SRGAP2B: variants seen among roughly 807,000 people sequenced by gnomAD.
SRGAP2B encodes SLIT-ROBO Rho GTPase-activating protein 2B.
SRGAP2B carries 9 observed loss-of-function variants against 22.2 expected under a neutral mutation model. The observed-to-expected ratio is 0.41, with a 90% CI of 0.24 to 0.71. The LOEUF (loss-of-function observed/expected upper bound fraction) is 0.71, where lower values mean the gene tolerates loss of function less well. SRGAP2B is among the 30% of genes least tolerant of loss of function. The pLI, the probability that SRGAP2B is intolerant of heterozygous loss-of-function variation, is 0.35. For synonymous variants in SRGAP2B, 36 were observed against 87.4 expected (o/e 0.41, Z 3.28); for missense variants, 114 against 235.8 (o/e 0.48, Z 3.38).
intron 4 of SRGAP2B, among the ~76,000 whole-genome samples, chr1:144,943,981 G>C (rs1424402665): frequency 6.7e-6 from 1 of 150,054 alleles, no homozygotes; most frequent in Non-Finnish European, 1.5e-5. Context: ...AACATCTTGG[G>C]TTTCCCATGG....
intron 2 of SRGAP2B, among the ~76,000 whole-genome samples, chr1:144,998,259 T>G (rs1327776119): frequency 7.1e-4 from 29 of 40,980 alleles, no homozygotes; most frequent in African/African-American, 2.7e-3. Flanking sequence ...AAGTTTGGAC[T>G]TGCCCACCGA....
chr1:144,931,424 TA>T (rs781838144), intron 4 of SRGAP2B, among the ~76,000 whole-genome samples: 1 of 150,676 alleles, frequency 6.6e-6, no homozygotes, highest in Admixed American at 6.6e-5. Context: ...AGAGCGAAGA[TA>T]GGGGGAAGAA....
chr1:144,990,678 G>C (rs7413086), intron 3 of SRGAP2B, among the ~76,000 whole-genome samples: 2 of 149,930 alleles, frequency 1.3e-5, no homozygotes, highest in Admixed American at 6.6e-5. Context: ...CCGGGGCTGC[G>C]TGCGGCGCTT....
chr1:145,058,123 G>T (rs1388702852), intron 2 of SRGAP2B, among the ~76,000 whole-genome samples: 1 of 149,780 alleles, frequency 6.7e-6, no homozygotes. Context: ...TGGGATCCTG[G>T]ATCCCAGTTC....
intron 6 of SRGAP2B, among the ~76,000 whole-genome samples, 189 bp downstream of exon 6, chr1:144,905,670 G>C (rs1394407201): frequency 1.3e-5 from 2 of 149,658 alleles, no homozygotes; most frequent in African/African-American, 5.1e-5. Context: ...TGGAACCCAC[G>C]TGCCCAGTTC....
At chr1:144,906,020 G>C in exon 6 of SRGAP2B, 1 of 708,034 alleles carries the variant, frequency 1.4e-6, no homozygotes, top group Non-Finnish European at 2.6e-6. Flanking sequence ...GCCTCCTTTA[G>C]TTTGCTCTGA....
chr1:145,065,139 ACT>A (rs1436219864), intron 2 of SRGAP2B, among the ~76,000 whole-genome samples: 13 of 151,618 alleles, frequency 8.6e-5, no homozygotes, highest in African/African-American at 3.1e-4. Context: ...TCAAAACCTA[ACT>A]CAGTTACAGA....
At chr1:145,030,375 C>A in intron 2 of SRGAP2B, among the ~76,000 whole-genome samples, 1 of 148,322 alleles carries the variant, frequency 6.7e-6, no homozygotes, top group Middle Eastern at 3.4e-3. Context: ...TACTATACAG[C>A]CATAAAAAAG....
At chr1:144,906,181 T>A (rs1166192625) in intron 5 of SRGAP2B, 107 bp from the exon 6 acceptor site, 2 of 618,754 alleles carry the variant, frequency 3.2e-6, no homozygotes, top group Non-Finnish European at 5.7e-6. Context: ...TGAAGCAATA[T>A]CCTCACACCC....
rs1366824644 is a variant in SRGAP2B at position 145,009,317 on chromosome 1, G to A, written c.68-14117C>T. Reference sequence around the variant, plus strand: ...TAAAACAAAACTGGCGGCCGGGCGCGGTGGCTCACGCCTGTAATCCCAGCA... The same window carrying A: ...TAAAACAAAACTGGCGGCCGGGCGCAGTGGCTCACGCCTGTAATCCCAGCA... On this transcript the variant is annotated intron_variant, in intron 2 of 9. Coordinates refer to ENST00000612199, the Ensembl canonical transcript of SRGAP2B. 8.0e-5 allele frequency among the ~76,000 whole-genome samples: 12 copies of A among 150,508 alleles called. 1 individual carries two copies. The highest frequency in any genetic ancestry group is 1.5e-4 in the African/African-American group (6 of 40,144).
chr1:144,912,974 G>C (rs1385329567), intron 5 of SRGAP2B, among the ~76,000 whole-genome samples: 3 of 116,044 alleles, frequency 2.6e-5, no homozygotes, highest in African/African-American at 1.1e-4. Context: ...AAAGTAGTTG[G>C]CCAATATTGG....
At chr1:144,995,032 C>T (rs1553618207) in exon 3 of SRGAP2B, 1 of 1,544,302 alleles carries the variant, frequency 6.5e-7, no homozygotes, top group Non-Finnish European at 8.7e-7. Flanking sequence ...CTTGGTGCTG[C>T]ATGTCTTGGC....
chr1:145,030,724 ATATATATATATATATATAT>A (rs1648224051), intron 2 of SRGAP2B, among the ~76,000 whole-genome samples: 1 of 34,166 alleles, frequency 2.9e-5, no homozygotes, highest in Non-Finnish European at 5.6e-5. Flanking sequence ...AAAAAAAAAT[ATATATATATATATATATAT>A]ATATATATAT....
At chr1:145,020,880 A>T (rs1672753895) in intron 2 of SRGAP2B, among the ~76,000 whole-genome samples, 1 of 149,944 alleles carries the variant, frequency 6.7e-6, no homozygotes, top group African/African-American at 2.5e-5. Flanking sequence ...GCTCACTGCA[A>T]ACCCTGACTC....
At chr1:144,991,690 C>T (rs1670247231) in intron 3 of SRGAP2B, among the ~76,000 whole-genome samples, 1 of 149,352 alleles carries the variant, frequency 6.7e-6, no homozygotes, top group African/African-American at 2.5e-5. Flanking sequence ...GGTGAATGCA[C>T]CAATCGACAC....
At chr1:145,045,018 T>G (rs1244890988) in intron 2 of SRGAP2B, among the ~76,000 whole-genome samples, 1 of 148,916 alleles carries the variant, frequency 6.7e-6, no homozygotes, top group Non-Finnish European at 1.5e-5. Flanking sequence ...CCTTTGTCTA[T>G]TTCATGCTGT....
At chr1:144,906,169 C>T in intron 5 of SRGAP2B, 95 bp from the exon 6 acceptor site, 1 of 688,482 alleles carries the variant, frequency 1.5e-6, no homozygotes, top group South Asian at 1.6e-5. Context: ...AGCTCTCCCC[C>T]ATGAAGCAAT....
In SRGAP2B at chr1:144,925,651, A is replaced by G. The variant is rs782431910; in HGVS notation, c.424-10897T>C. ...AGAGCAAGACTCAGAAAAAAAAAAA[A>G]AAAGAAAGAAAAAAAAAGGACAGAA... On this transcript the variant is annotated intron_variant, in intron 4 of 9. Coordinates refer to ENST00000612199, the Ensembl canonical transcript of SRGAP2B. 1.2e-4 allele frequency among the ~76,000 whole-genome samples: 17 copies of G among 139,648 alleles called. 1 individual carries two copies. Among genetic ancestry groups the G allele is most frequent in the Non-Finnish European group, 1.6e-4 (10 of 64,190 alleles). The allele number at this position is 139,648 out of a possible 152,430, so 91.6% of individuals were successfully genotyped here.
At chr1:145,094,072 C>CG (rs1344327248) in intron 1 of SRGAP2B, among the ~76,000 whole-genome samples, 1 of 126,060 alleles carries the variant, frequency 7.9e-6, no homozygotes, top group Non-Finnish European at 1.6e-5. Flanking sequence ...CCGGGAAAAC[C>CG]GGGGGGCGGC....
Sources: gnomAD v4.1 joint callset for allele counts (sites outside exome capture counted in the v4.1 genomes callset) on GRCh38, gnomAD v4.1.1 for gene constraint, MANE v1.5 for transcripts, NCBI Gene and HGNC (gene_info 2026-07-23, HGNC 2026-07-21) for gene names.